Variants in CSMD1 observed in about 807,000 individuals in gnomAD.
CSMD1 encodes CUB and Sushi multiple domains 1.
In CSMD1, 213 loss-of-function variants were observed where a neutral mutation model predicts 417.5. That is an observed-to-expected ratio of 0.51 (90% CI 0.46 to 0.57). The LOEUF (loss-of-function observed/expected upper bound fraction) is 0.57, where lower values mean the gene tolerates loss of function less well. CSMD1 is among the 20% of genes least tolerant of loss of function. The pLI is 0.00. For synonymous variants in CSMD1, 2,862 were observed against 1,736.8 expected, an observed-to-expected ratio of 1.65 and a Z score of -16.11; for missense variants, 6,923 against 4,529.7, an observed-to-expected ratio of 1.53 and a Z score of -15.17.
intron 2 of CSMD1, among the ~76,000 whole-genome samples, chr8:4,582,560 T>C (rs751667393): frequency 7.9e-5 from 12 of 152,152 alleles, no homozygotes; most frequent in East Asian, 1.9e-4. Flanking sequence ...AGACAGTCTC[T>C]AGCAAGCTCC....
At chr8:4,278,327 A>C (rs17413156) in intron 3 of CSMD1, among the ~76,000 whole-genome samples, 13,853 of 152,276 alleles carry the variant, frequency 0.091, 796 homozygotes, top group Non-Finnish European at 0.13. Context: ...GTAATCTACA[A>C]AATGGCTAAT....
chr8:3,648,794 T>A (rs1410116918), intron 7 of CSMD1, among the ~76,000 whole-genome samples: 3 of 151,608 alleles, frequency 2.0e-5, no homozygotes, highest in Non-Finnish European at 4.4e-5. Context: ...AACCTATCTT[T>A]ACGCGGCACC....
intron 4 of CSMD1, among the ~76,000 whole-genome samples, chr8:4,026,339 T>C (rs1039300864): frequency 1.3e-5 from 2 of 152,226 alleles, no homozygotes; most frequent in African/African-American, 4.8e-5. Context: ...TAATAATCTA[T>C]AATACAGAAG....
chr8:3,780,612 C>A (rs1799124655), intron 5 of CSMD1, among the ~76,000 whole-genome samples: 2 of 152,322 alleles, frequency 1.3e-5, no homozygotes, highest in South Asian at 4.1e-4. Flanking sequence ...CTACAACTGT[C>A]ATCAAACTGG....
chr8:4,202,893 G>T (rs887122058), intron 3 of CSMD1, among the ~76,000 whole-genome samples: 3 of 152,162 alleles, frequency 2.0e-5, no homozygotes, highest in Admixed American at 1.3e-4. Context: ...TGGAGAAGGG[G>T]CATGGACTGT....
intron 26 of CSMD1, among the ~76,000 whole-genome samples, chr8:3,250,737 T>G (rs570642763): frequency 6.6e-6 from 1 of 152,340 alleles, no homozygotes; most frequent in South Asian, 2.1e-4. Context: ...CCTGACTTTT[T>G]AATGGTTGAT....
In CSMD1 at chr8:4,237,073, G is replaced by A. The variant is rs151081285; in HGVS notation, c.415+182880C>T. On this transcript the variant is annotated intron_variant, in intron 3 of 69. Transcript: ENST00000635120. ...CAGATAACAACCTCCTTATGATTAC[G>A]CCTACAATTTTATTCTTCACTCACT... is the stretch of plus-strand genomic sequence containing the variant. Among the ~76,000 whole-genome samples the A allele has an allele frequency of 1.4e-3, 220 of 152,156 alleles. 1 individual carries two copies. Among genetic ancestry groups the A allele is most frequent in the African/African-American group, 3.2e-3 (132 of 41,502 alleles).
intron 29 of CSMD1, among the ~76,000 whole-genome samples, chr8:3,215,010 C>G (rs17079633): frequency 6.6e-6 from 1 of 151,908 alleles, no homozygotes; most frequent in African/African-American, 2.4e-5. Context: ...TTTTTGGCTA[C>G]AGATTTTAGG....
chr8:3,156,538 G>A (rs1264762196), intron 39 of CSMD1, among the ~76,000 whole-genome samples: 1 of 152,086 alleles, frequency 6.6e-6, no homozygotes, highest in African/African-American at 2.4e-5. Context: ...GGTAGCCCAG[G>A]GTAGAGATGA....
At chr8:4,592,299 CAGTG>C (rs1487132227) in intron 2 of CSMD1, among the ~76,000 whole-genome samples, 1 of 151,548 alleles carries the variant, frequency 6.6e-6, no homozygotes, top group African/African-American at 2.4e-5. Flanking sequence ...GGTATATTTA[CAGTG>C]GTAATTGGAA....
At chr8:3,471,704 C>T (rs531980262) in intron 11 of CSMD1, among the ~76,000 whole-genome samples, 4 of 132,576 alleles carry the variant, frequency 3.0e-5, no homozygotes, top group Non-Finnish European at 6.3e-5. Flanking sequence ...TTCCTTTCTT[C>T]TTTCCTTCCT....
At chr8:3,385,451 G>T (rs1373452753) in intron 18 of CSMD1, among the ~76,000 whole-genome samples, 3 of 151,570 alleles carry the variant, frequency 2.0e-5, no homozygotes, top group African/African-American at 7.3e-5. Context: ...TGAACTGATT[G>T]TTGCTAAAAG....
chr8:4,356,042 G>T (rs1011715790), intron 3 of CSMD1, among the ~76,000 whole-genome samples: 2 of 152,114 alleles, frequency 1.3e-5, no homozygotes, highest in African/African-American at 4.8e-5. Context: ...GGGAGATCCT[G>T]GTGCACTCAT....
chr8:4,682,430 G>C (rs1489842503), intron 1 of CSMD1, among the ~76,000 whole-genome samples: 2 of 151,888 alleles, frequency 1.3e-5, no homozygotes, highest in African/African-American at 4.8e-5. Flanking sequence ...AAATTTCGAT[G>C]ATTTGCTATG....
intron 1 of CSMD1, among the ~76,000 whole-genome samples, chr8:4,749,836 G>C (rs548004830): frequency 2.4e-4 from 37 of 152,068 alleles, no homozygotes; most frequent in African/African-American, 8.2e-4. Context: ...CTGGTAATTT[G>C]GAAAGCCAGG....
chr8:3,143,344 C>G (rs939732236), intron 40 of CSMD1, among the ~76,000 whole-genome samples: 1 of 152,016 alleles, frequency 6.6e-6, no homozygotes, highest in Non-Finnish European at 1.5e-5. Context: ...TGTGAGAAAC[C>G]CAATCTAATC....
At chr8:4,061,600 G>C (rs1798976142) in intron 3 of CSMD1, among the ~76,000 whole-genome samples, 1 of 152,212 alleles carries the variant, frequency 6.6e-6, no homozygotes, top group African/African-American at 2.4e-5. Context: ...TCTGGTTCCA[G>C]ACACTAGGAC....
intron 1 of CSMD1, among the ~76,000 whole-genome samples, chr8:4,697,412 G>T (rs1292495523): frequency 6.6e-6 from 1 of 152,032 alleles, no homozygotes; most frequent in Non-Finnish European, 1.5e-5. Flanking sequence ...GCAAATTAGT[G>T]TATTTGGGCA....
intron 3 of CSMD1, among the ~76,000 whole-genome samples, chr8:4,177,107 C>T (rs1465353953): frequency 1.3e-5 from 2 of 152,100 alleles, no homozygotes; most frequent in Non-Finnish European, 2.9e-5. Flanking sequence ...AACTCTCCAC[C>T]CCAAATCAAC....
Sources: gnomAD v4.1 joint callset for allele counts (sites outside exome capture counted in the v4.1 genomes callset) on GRCh38, gnomAD v4.1.1 for gene constraint, MANE v1.5 for transcripts, NCBI Gene and HGNC (gene_info 2026-07-23, HGNC 2026-07-21) for gene names.